The following ZFP64 variants were observed in gnomAD, a reference collection of about 807,000 sequenced individuals.
ZFP64 encodes zinc finger protein 64.
A neutral mutation model predicts 51.6 loss-of-function variants in ZFP64; 14 were observed. The observed-to-expected ratio is 0.27, with a 90% confidence interval of 0.18 to 0.42. The LOEUF is 0.42. Among genes scored for constraint, ZFP64 ranks in the 10% least tolerant of loss-of-function variants. The pLI, the probability that ZFP64 is intolerant of heterozygous loss-of-function variation, is 1.00. For synonymous variants in ZFP64, 375 were observed against 361.4 expected (o/e 1.04, Z -0.43); for missense variants, 754 against 906.8 (o/e 0.83, Z 2.16).
chr20:52,095,775 G>A (rs1036818289), intron 7 of ZFP64, among the ~76,000 whole-genome samples: 3 of 152,158 alleles, frequency 2.0e-5, no homozygotes, highest in African/African-American at 7.2e-5. Context: ...CAGCACTGTG[G>A]ATGTTCCAGG....
chr20:52,084,528 C>A, exon 9 of ZFP64: 1 of 1,587,318 alleles, frequency 6.3e-7, no homozygotes. Flanking sequence ...GTCAGAAGTT[C>A]CGACAGCTGA....
chr20:52,105,131 C>G lies in ZFP64; in HGVS notation c.764-6544G>C. On this transcript the variant is annotated intron_variant, in intron 5 of 8. Transcript: ENST00000361387. ...GGCGGGGCTCCAGCGGCGCTACTCA[C>G]CCGGCTCCCCCGCCACCTGCGGGGC... The G allele has an allele frequency of 2.1e-6, 3 of 1,423,412 alleles. No homozygotes were observed. In the African/African-American group the frequency reaches 4.5e-5, roughly 21 times the overall value. 88.2% of individuals were successfully genotyped at this position (1,423,412 alleles called of 1,614,324 possible). A position where few individuals can be genotyped will look rare whatever the true frequency, so the allele number is the denominator to read the frequency against.
At chr20:52,148,233 T>C (rs1056326388), downstream of ZFP64, among the ~76,000 whole-genome samples, 1 of 152,204 alleles carries the variant, frequency 6.6e-6, no homozygotes, top group Non-Finnish European at 1.5e-5. Context: ...ATATGTCATG[T>C]TGGCCAGCCA....
intron 5 of ZFP64, among the ~76,000 whole-genome samples, chr20:52,128,860 A>C (rs960272014): frequency 1.3e-5 from 2 of 152,194 alleles, no homozygotes; most frequent in African/African-American, 4.8e-5. Context: ...TTTTCCAGAA[A>C]TGAACAAAAT....
At chr20:52,098,030 C>G (rs1568944813) in intron 6 of ZFP64, among the ~76,000 whole-genome samples, 1 of 152,048 alleles carries the variant, frequency 6.6e-6, no homozygotes, top group Non-Finnish European at 1.5e-5. Context: ...GATCACACCA[C>G]TATACTCCAG....
At chr20:52,093,142 A>AT (rs2078946762) in intron 7 of ZFP64, among the ~76,000 whole-genome samples, 3 of 151,868 alleles carry the variant, frequency 2.0e-5, no homozygotes, top group Middle Eastern at 3.4e-3. Context: ...TTAAAAAAAA[A>AT]ATTTTTTTTT....
chr20:52,182,557 A>T (rs545552853), intron 2 of ZFP64, among the ~76,000 whole-genome samples: 16 of 152,260 alleles, frequency 1.1e-4, no homozygotes, highest in Admixed American at 9.8e-4. Flanking sequence ...TATCTCTATA[A>T]ATAATTTAAA....
At chr20:52,140,108 AGT>A (rs976661664) in intron 5 of ZFP64, among the ~76,000 whole-genome samples, 1 of 152,120 alleles carries the variant, frequency 6.6e-6, no homozygotes, top group Non-Finnish European at 1.5e-5. Flanking sequence ...TGATAAATGT[AGT>A]GTGTGTTCTG....
chr20:52,130,910 C>T (rs6091453), intron 5 of ZFP64, among the ~76,000 whole-genome samples: 55,379 of 151,516 alleles, frequency 0.37, 10,850 homozygotes, highest in Non-Finnish European at 0.42. Context: ...ACTAAAAATA[C>T]AAAAAATTAG....
In ZFP64 at chr20:52,152,160, A is replaced by G; in HGVS notation, c.2032T>C (p.Ser678Pro). 1 of 1,612,940 alleles carries G rather than the reference A, an allele frequency of 6.2e-7. No individual in the cohort carries two copies. Among genetic ancestry groups the G allele is most frequent in the Non-Finnish European group, 8.5e-7 (1 of 1,179,074 alleles). ...AHPALLCPADSIPD is the reference protein window; with the variant it reads ...AHPALLCPADPIPD Reference sequence around the variant, plus strand: ...TTTTTTAAGCACTAATCTGGAATGGAGTCGGCGGGACAGAGCAAAGCTGGA... The same window carrying G: ...TTTTTTAAGCACTAATCTGGAATGGGGTCGGCGGGACAGAGCAAAGCTGGA... The change falls in exon 6 of 6, where the codon TCC becomes CCC. Residue 678 changes from serine to proline, a missense_variant. Ser to Pro is a moderately conservative substitution (Grantham distance 74). Transcript: ENST00000216923.
chr20:52,136,762 G>A (rs1980002146), intron 5 of ZFP64, among the ~76,000 whole-genome samples: 1 of 152,028 alleles, frequency 6.6e-6, no homozygotes, highest in Admixed American at 6.6e-5. Context: ...TTGGTCAAAA[G>A]TTCCTAATTA....
chr20:52,103,944 G>C (rs577976740), intron 5 of ZFP64, among the ~76,000 whole-genome samples: 1 of 152,314 alleles, frequency 6.6e-6, no homozygotes, highest in South Asian at 2.1e-4. Context: ...CCACCAGACC[G>C]ACTGTGGTGG....
chr20:52,165,273 G>A (rs1486321323), intron 3 of ZFP64: 1 of 456,246 alleles, frequency 2.2e-6, no homozygotes, highest in Non-Finnish European at 4.4e-6. Context: ...CTTGATGATT[G>A]TCCTGTGGTT....
intron 2 of ZFP64, among the ~76,000 whole-genome samples, chr20:52,174,402 G>C (rs1983005128): frequency 2.0e-5 from 3 of 148,000 alleles, no homozygotes; most frequent in Non-Finnish European, 4.4e-5. Flanking sequence ...AGAATTGCTT[G>C]AACCCGGGAG....
At chr20:52,163,820 C>G (rs1354611087) in intron 4 of ZFP64, among the ~76,000 whole-genome samples, 1 of 152,114 alleles carries the variant, frequency 6.6e-6, no homozygotes, top group African/African-American at 2.4e-5. Context: ...AATTCCTTTT[C>G]CATGCAGAAA....
chr20:52,107,942 T>C (rs1978352478), intron 5 of ZFP64, among the ~76,000 whole-genome samples: 1 of 152,240 alleles, frequency 6.6e-6, no homozygotes, highest in East Asian at 1.9e-4. Flanking sequence ...AGAAATAACG[T>C]AGGTCAGTCT....
intron 7 of ZFP64, among the ~76,000 whole-genome samples, chr20:52,092,459 GA>G (rs914607766): frequency 5.4e-4 from 82 of 152,322 alleles, no homozygotes; most frequent in African/African-American, 1.9e-3. Context: ...AGTCAATCGT[GA>G]CTATTAAGTA....
Position 52,176,505 on chromosome 20 carries a change from C to CTTTTTTTTTTTTTTTTT in ZFP64, c.286+10326_286+10327insAAAAAAAAAAAAAAAAA, listed in dbSNP as rs557663780. ...ATTTCTAGCTTCTGGTTCAATCTCT[C>CTTTTTTTTTTTTTTTTT]TTTTTTTTTTTTTTTGAGACGGAGT... On this transcript the variant is annotated intron_variant, in intron 2 of 5. Transcript: ENST00000216923. Among the ~76,000 whole-genome samples the CTTTTTTTTTTTTTTTTT allele has an allele frequency of 7.3e-4, 100 of 136,698 alleles. 1 individual carries two copies. Among genetic ancestry groups the CTTTTTTTTTTTTTTTTT allele is most frequent in the African/African-American group, 2.3e-3 (84 of 36,130 alleles). 89.7% of individuals were successfully genotyped at this position (136,698 alleles called of 152,430 possible).
intron 2 of ZFP64, among the ~76,000 whole-genome samples, chr20:52,180,059 C>T (rs962381542): frequency 2.0e-4 from 30 of 152,240 alleles, no homozygotes; most frequent in African/African-American, 6.5e-4. Context: ...TTTGTCTTGC[C>T]CACCACGGTC....
Sources: allele counts gnomAD v4.1 joint callset (sites outside exome capture counted in the v4.1 genomes callset), GRCh38; gene constraint gnomAD v4.1.1; transcripts MANE v1.5; gene names NCBI Gene and HGNC (gene_info 2026-07-23, HGNC 2026-07-21).